The following SNTB1 variants were observed in gnomAD, a reference collection of about 807,000 sequenced individuals.
SNTB1 encodes the protein beta-1-syntrophin.
In SNTB1, 36 loss-of-function variants were observed where a neutral mutation model predicts 48.9. The ratio of observed to expected loss-of-function variants is 0.74; its 90% CI spans 0.56 to 0.97. The LOEUF (loss-of-function observed/expected upper bound fraction) is 0.97, where lower values mean the gene tolerates loss of function less well. Among genes scored for constraint, SNTB1 ranks in the 50% least tolerant of loss-of-function variants. SNTB1 has a pLI of 0.00. For synonymous variants in SNTB1, 299 were observed against 294.6 expected (o/e 1.01, Z -0.15); for missense variants, 786 against 703.4 (o/e 1.12, Z -1.33).
At chr8:120,698,162 C>T (rs1028203959) in intron 1 of SNTB1, among the ~76,000 whole-genome samples, 1 of 152,014 alleles carries the variant, frequency 6.6e-6, no homozygotes, top group African/African-American at 2.4e-5. Flanking sequence ...AACTTCACCA[C>T]CAAGAAAAAT....
chr8:120,690,763 C>T (rs1818111596), intron 2 of SNTB1, among the ~76,000 whole-genome samples: 1 of 152,186 alleles, frequency 6.6e-6, no homozygotes, highest in African/African-American at 2.4e-5. Context: ...TCTGATGGTA[C>T]ACCATACCCT....
chr8:120,603,816 T>C (rs529759596), intron 3 of SNTB1, among the ~76,000 whole-genome samples: 55 of 152,320 alleles, frequency 3.6e-4, no homozygotes, highest in African/African-American at 1.3e-3. Flanking sequence ...CATGATCAAT[T>C]CACTAATCAA....
At position 120,616,483 on chromosome 8, in the gene SNTB1, T is replaced by TG. The variant is rs1308359560; in HGVS notation, c.996+15960_996+15961insC. The stretch of plus-strand genomic sequence containing the variant: ...ACCTGACTAACTAAAAAAAGTTTTT[T>TG]TTTTTTTTTTGTAAAAATGGGGGGC... On this transcript the variant is annotated intron_variant, in intron 3 of 6. Coordinates refer to ENST00000517992, the MANE Select transcript of SNTB1 (RefSeq NM_021021.4). Among the ~76,000 whole-genome samples, 96 of 151,300 alleles carry TG rather than the reference T, an allele frequency of 6.3e-4. 2 individuals are homozygous for TG. In the South Asian group the frequency reaches 7.1e-3, roughly 11 times the overall value.
intron 3 of SNTB1, among the ~76,000 whole-genome samples, chr8:120,605,538 T>A (rs1184311836): frequency 6.6e-6 from 1 of 152,200 alleles, no homozygotes; most frequent in Non-Finnish European, 1.5e-5. Flanking sequence ...CATGCTAAGT[T>A]ATGTGTTCAC....
intron 3 of SNTB1, among the ~76,000 whole-genome samples, chr8:120,591,743 A>G (rs905464776): frequency 6.6e-6 from 1 of 152,122 alleles, no homozygotes; most frequent in Non-Finnish European, 1.5e-5. Flanking sequence ...TGGGTGTCCT[A>G]TGCAATCCTG....
chr8:120,601,739 C>G (rs1816425349), intron 3 of SNTB1, among the ~76,000 whole-genome samples: 1 of 152,166 alleles, frequency 6.6e-6, no homozygotes, highest in Non-Finnish European at 1.5e-5. Flanking sequence ...ACAGCCTCCT[C>G]CAAATAAATT....
chr8:120,631,922 T>G (rs1253109875), intron 3 of SNTB1, among the ~76,000 whole-genome samples: 2 of 152,160 alleles, frequency 1.3e-5, no homozygotes, highest in South Asian at 4.1e-4. Context: ...AAAGAGTGGC[T>G]GGCTTAAGAG....
At chr8:120,797,941 AGTT>A (rs1438758571) in intron 1 of SNTB1, among the ~76,000 whole-genome samples, 2 of 151,988 alleles carry the variant, frequency 1.3e-5, no homozygotes, top group Non-Finnish European at 2.9e-5. Context: ...GTGGCTCAGT[AGTT>A]CTCTTGTCAC....
chr8:120,561,838 T>G (rs1815666263), intron 4 of SNTB1, among the ~76,000 whole-genome samples: 1 of 152,224 alleles, frequency 6.6e-6, no homozygotes, highest in Non-Finnish European at 1.5e-5. Context: ...GGCTACTATG[T>G]TGGCCACTAA....
intron 1 of SNTB1, among the ~76,000 whole-genome samples, chr8:120,759,979 A>G (rs566181822): frequency 9.8e-5 from 15 of 152,344 alleles, no homozygotes; most frequent in African/African-American, 3.6e-4. Context: ...GTAAAGGGCC[A>G]GATGATAAAT....
intron 2 of SNTB1, among the ~76,000 whole-genome samples, chr8:120,683,048 A>AT (rs1294217398): frequency 2.0e-5 from 3 of 151,628 alleles, no homozygotes; most frequent in Admixed American, 6.6e-5. Context: ...CGCCTGGCTA[A>AT]TTTTTTGTAT....
chr8:120,605,422 A>G (rs574617083), intron 3 of SNTB1, among the ~76,000 whole-genome samples: 1 of 152,354 alleles, frequency 6.6e-6, no homozygotes, highest in African/African-American at 2.4e-5. Flanking sequence ...CAGTGATATT[A>G]CCACGTCTAA....
At chr8:120,700,864 G>A (rs1296267374) in intron 1 of SNTB1, among the ~76,000 whole-genome samples, 2 of 152,142 alleles carry the variant, frequency 1.3e-5, no homozygotes, top group East Asian at 1.9e-4. Context: ...CGGAAAGTCC[G>A]TCTGATGTGT....
At chr8:120,617,188 G>A (rs1192256155) in intron 3 of SNTB1, among the ~76,000 whole-genome samples, 2 of 152,198 alleles carry the variant, frequency 1.3e-5, no homozygotes, top group African/African-American at 2.4e-5. Context: ...ATGTGGCCCA[G>A]GAAAGCCAAA....
intron 2 of SNTB1, among the ~76,000 whole-genome samples, chr8:120,651,115 C>T (rs916154407): frequency 4.6e-5 from 7 of 152,260 alleles, no homozygotes; most frequent in Non-Finnish European, 8.8e-5. Context: ...AACAGTCTTT[C>T]CAAATTTGTG....
chr8:120,549,133 A>G (rs552780899), intron 4 of SNTB1, among the ~76,000 whole-genome samples, 175 bp from the exon 5 acceptor site: 12 of 152,322 alleles, frequency 7.9e-5, no homozygotes, highest in Admixed American at 6.5e-4. Flanking sequence ...TTAAGATAGC[A>G]CCCAAGAGCT....
rs532009102 is a variant in SNTB1, at chr8:120,811,970, C to A, written c.-127G>T. 1,066 of 1,272,190 alleles carry A rather than the reference C, an allele frequency of 8.4e-4. 10 individuals carry two copies. The African/African-American group carries it at 0.014, about 17-fold the overall frequency. The allele number at this position is 1,272,190 out of a possible 1,614,324, so 78.8% of individuals were successfully genotyped here. On this transcript the variant is annotated 5_prime_UTR_variant, in exon 1 of 7. Transcript: ENST00000517992. ...CGTCCCGCGGGGAGGTGGCGGCACGCGGGACTCCGCTCCGGGAGTTCGCAG... is the reference window on the plus strand; with the variant it reads ...CGTCCCGCGGGGAGGTGGCGGCACGAGGGACTCCGCTCCGGGAGTTCGCAG...
chr8:120,656,863 A>C (rs777791239), intron 2 of SNTB1, among the ~76,000 whole-genome samples: 1 of 152,246 alleles, frequency 6.6e-6, no homozygotes, highest in Non-Finnish European at 1.5e-5. Context: ...CATAAAGTAC[A>C]TGAGTTAGAA....
intron 3 of SNTB1, among the ~76,000 whole-genome samples, chr8:120,607,040 A>G (rs1328576217): frequency 6.6e-6 from 1 of 152,196 alleles, no homozygotes; most frequent in Non-Finnish European, 1.5e-5. Context: ...CAAGAGAGGC[A>G]GTTGGAAAAT....
Sources: gnomAD v4.1 joint callset for allele counts (sites outside exome capture counted in the v4.1 genomes callset) on GRCh38, gnomAD v4.1.1 for gene constraint, MANE v1.5 for transcripts, NCBI Gene and HGNC (gene_info 2026-07-23, HGNC 2026-07-21) for gene names.